Variants in TRIM5 observed in about 807,000 individuals in gnomAD.
The protein encoded by TRIM5 is tripartite motif-containing protein 5.
TRIM5 carries 31 observed loss-of-function variants against 35.6 expected under a neutral mutation model. The ratio of observed to expected loss-of-function variants is 0.87; its 90% CI spans 0.65 to 1.18. The LOEUF (loss-of-function observed/expected upper bound fraction) is 1.18. Among genes scored for constraint, TRIM5 ranks in the 50% most tolerant of loss-of-function variants. The probability of loss-of-function intolerance (pLI) is 0.00; values close to 1 mark genes in which losing one functional copy is unlikely to be tolerated. For missense variants in TRIM5, 609 were observed against 591.6 expected (o/e 1.03, Z -0.31); for synonymous variants, 243 against 215.6 (o/e 1.13, Z -1.11).
chr11:5,663,104 G>A, downstream of TRIM5: 1 of 495,904 alleles, frequency 2.0e-6, no homozygotes. Context: ...CAGCTTGGGT[G>A]ACAGAGACAA....
At chr11:5,645,924 T>C in the TRIM5 span, 1 of 156,002 alleles carries the variant, frequency 6.4e-6, no homozygotes, top group Non-Finnish European at 1.2e-5. Flanking sequence ...TAGATATATA[T>C]ATAGATATAT....
chr11:5,603,674 G>T, the TRIM5 span: 2 of 1,612,988 alleles, frequency 1.2e-6, no homozygotes, highest in Non-Finnish European at 1.7e-6. Flanking sequence ...CTTTGTGAGC[G>T]GTCTCAGGAG....
the TRIM5 span, among the ~76,000 whole-genome samples, chr11:5,634,153 C>G: frequency 6.6e-6 from 1 of 152,138 alleles, no homozygotes; most frequent in Non-Finnish European, 1.5e-5. Flanking sequence ...TTCCATTGCT[C>G]TTTTCCAACG....
the TRIM5 span, among the ~76,000 whole-genome samples, chr11:5,606,113 G>C: frequency 1.3e-5 from 2 of 152,206 alleles, no homozygotes. Flanking sequence ...AATTTGCCAA[G>C]TGCTTCTTAC....
chr11:5,620,097 C>G, the TRIM5 span: 1 of 147,010 alleles, frequency 6.8e-6, no homozygotes. Context: ...TTTCCTGTGA[C>G]TTTATCTGAT....
the TRIM5 span, among the ~76,000 whole-genome samples, chr11:5,626,320 T>C: frequency 3.3e-5 from 5 of 152,338 alleles, no homozygotes; most frequent in South Asian, 1.0e-3. Flanking sequence ...TATCGATGAA[T>C]GTTAGAGTAC....
chr11:5,628,714 C>A, the TRIM5 span, among the ~76,000 whole-genome samples: 1 of 152,056 alleles, frequency 6.6e-6, no homozygotes, highest in Non-Finnish European at 1.5e-5. Context: ...CTGTTGTAAC[C>A]AATTATCACA....
the TRIM5 span, among the ~76,000 whole-genome samples, chr11:5,630,657 T>C: frequency 6.6e-6 from 1 of 152,238 alleles, no homozygotes; most frequent in African/African-American, 2.4e-5. Context: ...TATTCAGCTT[T>C]CATTAAACTC....
At chr11:5,606,266 T>A in the TRIM5 span, among the ~76,000 whole-genome samples, 1 of 152,112 alleles carries the variant, frequency 6.6e-6, no homozygotes, top group Non-Finnish European at 1.5e-5. Flanking sequence ...GTTTTGGGGG[T>A]CTGGGCTCTG....
rs1042375413 is a variant in TRIM5 at position 5,679,975 on chromosome 11, C to T, written c.203G>A (p.Arg68Gln). Residue 68 changes from arginine (R) to glutamine (Q), a missense_variant, in exon 2 of 8, where the codon CGG becomes CAG. By Grantham distance (43) the Arg-to-Gln change is conservative. Transcript: ENST00000380034. ...TATGTTGGCTACATGCCGATTAGGC[C>T]GTATGTTCTCAGGCTGGTAACTGAT... ...CRISYQPENI[R>Q]PNRHVANIVE... 2.2e-5 allele frequency: 35 copies of T among 1,613,884 alleles called. No individual in the cohort carries two copies. The highest frequency in any genetic ancestry group is 1.6e-4 in the Middle Eastern group (1 of 6,084).
chr11:5,605,201 C>A, the TRIM5 span: 1 of 1,164,954 alleles, frequency 8.6e-7, no homozygotes, highest in Non-Finnish European at 1.3e-6. Flanking sequence ...AAGGCTTTCT[C>A]CTGCAGCATT....
intron 2 of TRIM5, 110 bp from the exon 3 acceptor site, chr11:5,679,279 A>C (rs987604245): frequency 1.1e-6 from 1 of 915,064 alleles, no homozygotes; most frequent in Non-Finnish European, 1.7e-6. Context: ...AATTTGCAGA[A>C]ACTGTGAGAA....
the TRIM5 span, among the ~76,000 whole-genome samples, chr11:5,607,119 G>T: frequency 6.6e-6 from 1 of 152,140 alleles, no homozygotes; most frequent in East Asian, 1.9e-4. Flanking sequence ...CAGGAGAATG[G>T]CGCGAACCCA....
the TRIM5 span, chr11:5,642,901 G>T: frequency 1.9e-6 from 3 of 1,604,894 alleles, no homozygotes; most frequent in South Asian, 2.2e-5. Flanking sequence ...GAAGTTTATG[G>T]TTTCAATGAT....
chr11:5,670,963 G>C (rs1590242118), intron 4 of TRIM5, among the ~76,000 whole-genome samples: 1 of 152,136 alleles, frequency 6.6e-6, no homozygotes, highest in East Asian at 1.9e-4. Flanking sequence ...GTATGTTTTG[G>C]CCAGCTGCAG....
chr11:5,628,423 T>C, the TRIM5 span, among the ~76,000 whole-genome samples: 2 of 152,368 alleles, frequency 1.3e-5, no homozygotes, highest in Admixed American at 1.3e-4. Context: ...CCAATGGTCA[T>C]TGTAGCCAGG....
chr11:5,626,808 G>A, the TRIM5 span: 2 of 152,088 alleles, frequency 1.3e-5, no homozygotes, highest in Admixed American at 1.3e-4. Context: ...GTTGAACCCA[G>A]GAGGTGGAGG....
At chr11:5,592,717 G>C in the TRIM5 span, among the ~76,000 whole-genome samples, 3 of 151,942 alleles carry the variant, frequency 2.0e-5, no homozygotes, top group African/African-American at 7.3e-5. Flanking sequence ...AGGAGTTTGA[G>C]ATCAGCCTGG....
chr11:5,600,935 T>A, the TRIM5 span, among the ~76,000 whole-genome samples: 1 of 152,084 alleles, frequency 6.6e-6, no homozygotes, highest in Non-Finnish European at 1.5e-5. Flanking sequence ...CTGGAAACAG[T>A]TTTAAAAATT....
Sources: gnomAD v4.1 joint callset for allele counts (sites outside exome capture counted in the v4.1 genomes callset) on GRCh38, gnomAD v4.1.1 for gene constraint, MANE v1.5 for transcripts, NCBI Gene and HGNC (gene_info 2026-07-23, HGNC 2026-07-21) for gene names.